SPOCK3: variants seen among roughly 807,000 people sequenced by gnomAD.
The protein encoded by SPOCK3 is testican-3.
Under a neutral mutation model 56.6 loss-of-function variants are expected in SPOCK3, and 30 were observed. The ratio of observed to expected loss-of-function variants is 0.53; its 90% CI spans 0.40 to 0.72. The LOEUF (loss-of-function observed/expected upper bound fraction) is 0.72, where lower values mean the gene tolerates loss of function less well. Among genes scored for constraint, SPOCK3 ranks in the 30% least tolerant of loss-of-function variants. SPOCK3 has a pLI of 0.00. For synonymous variants in SPOCK3, 196 were observed against 183.3 expected (o/e 1.07, Z -0.56); for missense variants, 527 against 530.0 (o/e 0.99, Z 0.06).
intron 4 of SPOCK3, among the ~76,000 whole-genome samples, chr4:166,947,490 C>A (rs1741912693): frequency 6.6e-6 from 1 of 152,150 alleles, no homozygotes; most frequent in East Asian, 1.9e-4. Context: ...ACTTTTGCCA[C>A]CTTTGAAAAT....
rs2126334014 is a variant in SPOCK3, at chr4:166,734,978, A to G, written c.1245T>C (p.Asp415=). The change falls in exon 11 of 11, where the codon GAT becomes GAC. Residue 415 remains aspartate, a synonymous_variant. Transcript: ENST00000357545. The part of the protein sequence containing the change: ...IMNDEDEIED[D]DEDEGDDDDG... ...CATCATCATCCCCTTCATCTTCATC[A>G]TCATCTTCAATTTCATCTTCATCAT... The G allele has an allele frequency of 6.6e-7, 1 of 1,524,422 alleles. No homozygotes were observed. Among genetic ancestry groups the G allele is most frequent in the South Asian group, 1.1e-5 (1 of 88,780 alleles). 94.4% of individuals were successfully genotyped at this position (1,524,422 alleles called of 1,614,324 possible). A position where few individuals can be genotyped will look rare whatever the true frequency, so the allele number is the denominator to read the frequency against.
intron 2 of SPOCK3, among the ~76,000 whole-genome samples, chr4:167,231,289 C>A (rs898856685): frequency 9.2e-5 from 14 of 151,776 alleles, no homozygotes; most frequent in Admixed American, 4.6e-4. Flanking sequence ...TTAAACAGTG[C>A]TGATTATGTA....
intron 4 of SPOCK3, among the ~76,000 whole-genome samples, chr4:166,963,093 C>A (rs1023443968): frequency 6.6e-6 from 1 of 151,998 alleles, no homozygotes; most frequent in Non-Finnish European, 1.5e-5. Context: ...GTCCTAGGAA[C>A]CTGCATCATC....
At chr4:167,026,561 C>T (rs1331720018) in intron 3 of SPOCK3, among the ~76,000 whole-genome samples, 1 of 152,000 alleles carries the variant, frequency 6.6e-6, no homozygotes, top group Non-Finnish European at 1.5e-5. Flanking sequence ...TCTAAACACA[C>T]TGCAGATATC....
At chr4:166,780,764 C>CA (rs1332756685) in intron 7 of SPOCK3, among the ~76,000 whole-genome samples, 1 of 152,088 alleles carries the variant, frequency 6.6e-6, no homozygotes, top group African/African-American at 2.4e-5. Context: ...TGTAGCTTAA[C>CA]AAAAATATGA....
intron 3 of SPOCK3, among the ~76,000 whole-genome samples, chr4:167,017,893 C>T (rs953056097): frequency 1.3e-5 from 2 of 151,502 alleles, no homozygotes; most frequent in African/African-American, 4.8e-5. Flanking sequence ...TTAAAAACAC[C>T]CAATATTGAT....
intron 2 of SPOCK3, among the ~76,000 whole-genome samples, chr4:167,208,919 C>G (rs1734603965): frequency 6.6e-6 from 1 of 152,080 alleles, no homozygotes; most frequent in African/African-American, 2.4e-5. Context: ...TTTGCAATCA[C>G]TCTTTTCAAA....
At chr4:167,066,402 A>T (rs1408409305) in intron 2 of SPOCK3, among the ~76,000 whole-genome samples, 2 of 151,878 alleles carry the variant, frequency 1.3e-5, no homozygotes, top group African/African-American at 4.8e-5. Flanking sequence ...GTTATTGCCA[A>T]ATATCCTCTG....
chr4:166,772,713 C>T (rs1240352291), intron 7 of SPOCK3, among the ~76,000 whole-genome samples: 1 of 152,066 alleles, frequency 6.6e-6, no homozygotes, highest in East Asian at 1.9e-4. Flanking sequence ...AACTGCAGAG[C>T]TGTGCAAAAA....
chr4:167,203,333 T>C (rs1028854225), intron 2 of SPOCK3, among the ~76,000 whole-genome samples: 1 of 151,996 alleles, frequency 6.6e-6, no homozygotes, highest in African/African-American at 2.4e-5. Flanking sequence ...GCAAACATCT[T>C]ACCTATATAC....
intron 5 of SPOCK3, among the ~76,000 whole-genome samples, chr4:166,893,904 T>G (rs1735065174): frequency 6.6e-6 from 1 of 152,142 alleles, no homozygotes; most frequent in Non-Finnish European, 1.5e-5. Context: ...AAAACACCGT[T>G]CACTAAAGTT....
At chr4:167,158,155 T>G (rs1029008552) in intron 2 of SPOCK3, among the ~76,000 whole-genome samples, 4 of 151,896 alleles carry the variant, frequency 2.6e-5, no homozygotes, top group Non-Finnish European at 5.9e-5. Context: ...AGAATACAAA[T>G]CTAAGCCTAC....
chr4:166,942,979 T>G (rs72971676), intron 4 of SPOCK3, among the ~76,000 whole-genome samples: 1 of 152,122 alleles, frequency 6.6e-6, no homozygotes, highest in African/African-American at 2.4e-5. Context: ...ATATTCTGTC[T>G]TTTTTTCTTC....
chr4:167,194,089 T>C (rs928486166), intron 2 of SPOCK3, among the ~76,000 whole-genome samples: 8 of 152,156 alleles, frequency 5.3e-5, no homozygotes, highest in Admixed American at 5.2e-4. Flanking sequence ...TTCTTCACTC[T>C]TTTTCATTTT....
chr4:167,127,601 T>C (rs1762385230), intron 2 of SPOCK3, among the ~76,000 whole-genome samples: 1 of 152,090 alleles, frequency 6.6e-6, no homozygotes, highest in Admixed American at 6.5e-5. Context: ...CTAATTTTTG[T>C]ATTTTTAGTA....
At chr4:166,950,595 T>A (rs1742458526) in intron 4 of SPOCK3, among the ~76,000 whole-genome samples, 2 of 151,466 alleles carry the variant, frequency 1.3e-5, no homozygotes, top group Admixed American at 6.6e-5. Context: ...CTAATAGACA[T>A]CTAAAGAACT....
At chr4:166,801,451 T>G (rs555753013) in intron 6 of SPOCK3, among the ~76,000 whole-genome samples, 1 of 151,920 alleles carries the variant, frequency 6.6e-6, no homozygotes, top group South Asian at 2.1e-4. Context: ...TGTTAAAAAT[T>G]TCCACAATAA....
chr4:167,133,013 A>G (rs887411112), intron 2 of SPOCK3, among the ~76,000 whole-genome samples: 1 of 152,210 alleles, frequency 6.6e-6, no homozygotes, highest in Non-Finnish European at 1.5e-5. Flanking sequence ...TGCAGAGACT[A>G]AATATTATCA....
intron 3 of SPOCK3, chr4:167,011,389 C>T: frequency 2.4e-6 from 1 of 415,760 alleles, no homozygotes; most frequent in South Asian, 1.7e-5. Flanking sequence ...CTTTTCTATT[C>T]TGTAGTCATC....
Sources: allele counts gnomAD v4.1 joint callset (sites outside exome capture counted in the v4.1 genomes callset), GRCh38; gene constraint gnomAD v4.1.1; transcripts MANE v1.5; gene names NCBI Gene and HGNC (gene_info 2026-07-23, HGNC 2026-07-21).